The following COL5A2 variants were observed in gnomAD, a reference collection of about 807,000 sequenced individuals.
COL5A2 encodes collagen type V alpha 2 chain.
COL5A2 carries 23 observed loss-of-function variants against 208.2 expected under a neutral mutation model. The ratio of observed to expected loss-of-function variants is 0.11; its 90% CI spans 0.08 to 0.16. COL5A2 has a LOEUF of 0.16. Ranked by LOEUF, COL5A2 falls within the 10% of genes least tolerant of loss-of-function variation. The pLI, the probability that COL5A2 is intolerant of heterozygous loss-of-function variation, is 1.00. For missense variants in COL5A2, 1,590 were observed against 1,956.4 expected (o/e 0.81, Z 3.53); for synonymous variants, 625 against 628.5 (o/e 0.99, Z 0.08).
chr2:189,366,013 TAC>T, the COL5A2 span, among the ~76,000 whole-genome samples: 1 of 152,230 alleles, frequency 6.6e-6, no homozygotes, highest in Non-Finnish European at 1.5e-5. Flanking sequence ...TATGATTGCC[TAC>T]ACTTTCCTTC....
chr2:189,063,950 T>C (rs755261055), intron 26 of COL5A2, 30 bp downstream of exon 26: 3 of 1,572,406 alleles, frequency 1.9e-6, no homozygotes, highest in Non-Finnish European at 8.7e-7. Context: ...AAAATATTAG[T>C]GGTTGTGGAC....
intron 21 of COL5A2, 135 bp downstream of exon 21, chr2:189,067,880 C>T: frequency 2.6e-6 from 2 of 769,262 alleles, no homozygotes; most frequent in South Asian, 2.9e-5. Flanking sequence ...GCTTTCACTT[C>T]ACAAAGACTC....
At chr2:189,429,071 T>C in the COL5A2 span, among the ~76,000 whole-genome samples, 1 of 152,300 alleles carries the variant, frequency 6.6e-6, no homozygotes, top group Admixed American at 6.5e-5. Context: ...AATGGCAATA[T>C]GTTGCACTCT....
intron 47 of COL5A2, among the ~76,000 whole-genome samples, chr2:189,044,606 C>G (rs543378342): frequency 1.3e-5 from 2 of 152,028 alleles, no homozygotes; most frequent in African/African-American, 4.8e-5. Context: ...AATAATATGG[C>G]CATGATTTTC....
intron 1 of COL5A2, among the ~76,000 whole-genome samples, chr2:189,177,388 G>C (rs567676834): frequency 1.1e-3 from 167 of 152,254 alleles, no homozygotes; most frequent in African/African-American, 3.9e-3. Context: ...GTATTGCCAA[G>C]TATCCATACA....
intron 8 of COL5A2, 113 bp downstream of exon 8, chr2:189,088,578 TGTAC>T: frequency 1.2e-6 from 1 of 805,888 alleles, no homozygotes; most frequent in Non-Finnish European, 2.2e-6. Context: ...AATGAATGAA[TGTAC>T]GACTGTGTTT....
chr2:189,254,842 C>A, the COL5A2 span, among the ~76,000 whole-genome samples: 2 of 152,294 alleles, frequency 1.3e-5, no homozygotes, highest in South Asian at 4.1e-4. Context: ...TCTTGCTCAA[C>A]CTAGGAACAA....
chr2:189,311,624 A>G, the COL5A2 span: 1 of 875,802 alleles, frequency 1.1e-6, no homozygotes, highest in Non-Finnish European at 1.9e-6. Flanking sequence ...CATAGAGTCC[A>G]GGTCCATCTC....
At chr2:189,156,722 T>A (rs1424752674) in intron 1 of COL5A2, among the ~76,000 whole-genome samples, 1 of 152,166 alleles carries the variant, frequency 6.6e-6, no homozygotes, top group East Asian at 1.9e-4. Flanking sequence ...TTGTGCTGAA[T>A]ATTTGAGTCT....
intron 18 of COL5A2, among the ~76,000 whole-genome samples, chr2:189,070,428 T>C (rs1686248909): frequency 6.6e-6 from 1 of 152,128 alleles, no homozygotes; most frequent in Admixed American, 6.5e-5. Context: ...CAGGATCCTG[T>C]CCAAAAACAA....
chr2:189,322,036 C>T, the COL5A2 span, among the ~76,000 whole-genome samples: 1 of 152,226 alleles, frequency 6.6e-6, no homozygotes, highest in Non-Finnish European at 1.5e-5. Context: ...CTCAAAACCA[C>T]TCAATTACAT....
At chr2:189,142,960 A>T (rs1196400405) in intron 1 of COL5A2, among the ~76,000 whole-genome samples, 1 of 152,094 alleles carries the variant, frequency 6.6e-6, no homozygotes, top group Non-Finnish European at 1.5e-5. Context: ...CCAATGAAAA[A>T]TCTACATTCT....
chr2:189,098,901 C>G (rs1055928958), intron 4 of COL5A2, 142 bp from the exon 5 acceptor site: 1 of 656,592 alleles, frequency 1.5e-6, no homozygotes, highest in African/African-American at 1.8e-5. Flanking sequence ...CCATTTCCTC[C>G]TCTCCTTAAG....
At chr2:189,364,987 CTT>C in the COL5A2 span, among the ~76,000 whole-genome samples, 21 of 152,076 alleles carry the variant, frequency 1.4e-4, no homozygotes, top group Non-Finnish European at 2.1e-4. Flanking sequence ...AAATCTGAAA[CTT>C]TTAAAAAGTG....
the COL5A2 span, among the ~76,000 whole-genome samples, chr2:189,266,552 A>C: frequency 1.3e-5 from 2 of 152,170 alleles, no homozygotes; most frequent in South Asian, 4.1e-4. Context: ...AAATCTATGA[A>C]GTGTCCAAAA....
At chr2:189,224,418 G>T (rs944391670) in intron 1 of COL5A2, among the ~76,000 whole-genome samples, 4 of 152,134 alleles carry the variant, frequency 2.6e-5, no homozygotes, top group African/African-American at 9.7e-5. Flanking sequence ...GCTGGGCACG[G>T]TGACTCACGC....
At chr2:189,050,481 A>C (rs758843245) in intron 43 of COL5A2, 88 bp downstream of exon 43, 9 of 1,092,308 alleles carry the variant, frequency 8.2e-6, no homozygotes, top group Non-Finnish European at 1.2e-5. Flanking sequence ...GTTTAAATCT[A>C]TTCATCAAGC....
intron 1 of COL5A2, among the ~76,000 whole-genome samples, chr2:189,156,690 T>C (rs1688254381): frequency 5.3e-5 from 8 of 152,148 alleles, no homozygotes; most frequent in Admixed American, 5.2e-4. Flanking sequence ...AAAATATGTA[T>C]TGACATTTCT....
chr2:189,291,803 TA>T, the COL5A2 span, among the ~76,000 whole-genome samples: 109 of 149,802 alleles, frequency 7.3e-4, no homozygotes, highest in East Asian at 7.6e-3. Context: ...CTCTTTGGTT[TA>T]AAAAAAAAAC....
Sources: gnomAD v4.1 joint callset for allele counts (sites outside exome capture counted in the v4.1 genomes callset) on GRCh38, gnomAD v4.1.1 for gene constraint, MANE v1.5 for transcripts, NCBI Gene and HGNC (gene_info 2026-07-23, HGNC 2026-07-21) for gene names.